Variants in CUX1 observed in about 807,000 individuals in gnomAD.
CUX1 encodes the protein protein CASP.
CUX1 carries 31 observed loss-of-function variants against 158.8 expected under a neutral mutation model. That is an observed-to-expected ratio of 0.20 (90% CI 0.15 to 0.26). The LOEUF (loss-of-function observed/expected upper bound fraction) is 0.26, where lower values mean the gene tolerates loss of function less well. Ranked by LOEUF, CUX1 falls within the 10% of genes least tolerant of loss-of-function variation. The pLI, the probability that CUX1 is intolerant of heterozygous loss-of-function variation, is 1.00. For synonymous variants in CUX1, 879 were observed against 862.1 expected, an observed-to-expected ratio of 1.02 and a Z score of -0.34; for missense variants, 1,589 against 2,014.6, an observed-to-expected ratio of 0.79 and a Z score of 4.04.
At chr7:102,033,295 T>C (rs183411862) in intron 3 of CUX1, among the ~76,000 whole-genome samples, 5 of 150,690 alleles carry the variant, frequency 3.3e-5, no homozygotes, top group African/African-American at 9.8e-5. Flanking sequence ...ATTAAATAAA[T>C]AAACAAACAA....
At chr7:102,220,609 G>T (rs1797709031) in intron 20 of CUX1, among the ~76,000 whole-genome samples, 1 of 152,122 alleles carries the variant, frequency 6.6e-6, no homozygotes, top group African/African-American at 2.4e-5. Flanking sequence ...CGCAGGCTGG[G>T]AAGAGTCTTT....
intron 2 of CUX1, among the ~76,000 whole-genome samples, chr7:101,984,495 G>T (rs1814014928): frequency 9.4e-6 from 1 of 106,526 alleles, no homozygotes; most frequent in African/African-American, 3.4e-5. Context: ...TTGTTCTCCG[G>T]CAAAAAAAAA....
At chr7:102,051,794 T>A (rs1164102414) in intron 3 of CUX1, among the ~76,000 whole-genome samples, 2 of 152,228 alleles carry the variant, frequency 1.3e-5, no homozygotes, top group East Asian at 3.8e-4. Flanking sequence ...GAGGAAGACC[T>A]ACTTTTCACT....
At chr7:102,200,593 G>A (rs943595417) in intron 17 of CUX1, among the ~76,000 whole-genome samples, 13 of 152,012 alleles carry the variant, frequency 8.6e-5, no homozygotes, top group Non-Finnish European at 1.6e-4. Context: ...CTCCCACCTC[G>A]GCCTCCCACG....
In CUX1 at chr7:101,998,173, C is replaced by A. The variant is rs546923937; in HGVS notation, c.142-29925C>A. Among the ~76,000 whole-genome samples, 3 of 152,180 alleles carry A rather than the reference C, an allele frequency of 2.0e-5. No individual in the cohort carries two copies. In the South Asian group the frequency reaches 6.2e-4, roughly 32 times the overall value. ...ACAGTACAGATGGCAGGGCTGTGCCCGGGCTGCAGGCTCCCATTTACCAGA... is the reference window on the plus strand; with the variant it reads ...ACAGTACAGATGGCAGGGCTGTGCCAGGGCTGCAGGCTCCCATTTACCAGA... On this transcript the variant is annotated intron_variant, in intron 2 of 23. Coordinates refer to ENST00000292535, the MANE Select transcript of CUX1 (RefSeq NM_181552.4).
In CUX1 at chr7:102,111,821, G is replaced by C. The variant is rs781859451; in HGVS notation, c.607+47G>C. On this transcript the variant is annotated intron_variant, in intron 7 of 23. Transcript: ENST00000292535. ...TACCATGGATGTGGGGAGGACCCAG[G>C]GGGAGAGTTGGGTCAGCCCCTGACC... 5.8e-6 allele frequency: 9 copies of C among 1,557,796 alleles called. No individual in the cohort carries two copies. In the South Asian group the frequency reaches 6.7e-5, roughly 12 times the overall value.
intron 3 of CUX1, among the ~76,000 whole-genome samples, chr7:102,034,233 A>G (rs2129345975): frequency 6.6e-6 from 1 of 151,940 alleles, no homozygotes; most frequent in African/African-American, 2.4e-5. Context: ...TAAGTCCATC[A>G]AGCTTGGTAT....
chr7:101,926,706 C>T (rs1019852623), intron 2 of CUX1, among the ~76,000 whole-genome samples: 7 of 152,150 alleles, frequency 4.6e-5, no homozygotes, highest in South Asian at 4.1e-4. Flanking sequence ...TAAGTGGTGA[C>T]GTGCAGTGAC....
chr7:102,118,319 C>T (rs1831650219), intron 8 of CUX1, among the ~76,000 whole-genome samples: 1 of 152,204 alleles, frequency 6.6e-6, no homozygotes, highest in Non-Finnish European at 1.5e-5. Context: ...GGGCGGCTCA[C>T]TTGAGCCCAG....
intron 7 of CUX1, 63 bp from the exon 8 acceptor site, chr7:102,115,144 A>G: frequency 2.9e-6 from 4 of 1,386,866 alleles, no homozygotes; most frequent in South Asian, 2.5e-5. Context: ...ATGGGAATAG[A>G]TTACCTGTGT....
rs550801253 is a variant in CUX1 at position 102,265,729 on chromosome 7, C to T, written c.1256-7637C>T. On this transcript the variant is annotated intron_variant, in intron 14 of 22. Transcript: ENST00000292538. ...ATTACAGGCATGAGACAGTTGCACC[C>T]GACCAACTTTTTAAAAGGCTCTCTC... is the stretch of plus-strand genomic sequence containing the variant. Among the ~76,000 whole-genome samples, 504 of 152,214 alleles carry T rather than the reference C, an allele frequency of 3.3e-3. 1 individual carries two copies. Among genetic ancestry groups the T allele is most frequent in the Non-Finnish European group, 6.1e-3 (418 of 68,022 alleles).
Position 102,249,014 on chromosome 7 carries a change from G to A in CUX1, c.4490G>A (p.Arg1497Gln), listed in dbSNP as rs1259993202. 2.9e-6 allele frequency: 4 copies of A among 1,390,532 alleles called. No individual in the cohort carries two copies. The highest frequency in any genetic ancestry group is 1.5e-5 in the South Asian group (1 of 66,506). 86.1% of individuals were successfully genotyped at this position (1,390,532 alleles called of 1,614,324 possible). Residue 1497 changes from arginine to glutamine, a missense_variant, in exon 24 of 24, where the codon CGG (arginine) becomes CAG (glutamine). Physicochemically the swap from Arg to Gln is conservative, Grantham distance 43. Coordinates refer to ENST00000292535, the MANE Select transcript of CUX1 (RefSeq NM_181552.4). ...IIHRLEKAAS[R>Q]EEPIEWEF ...CACCGCCTGGAGAAGGCCGCCAGCC[G>A]GGAGGAACCTATCGAATGGGAGTTC...
chr7:102,036,077 C>T (rs180673470), intron 3 of CUX1, among the ~76,000 whole-genome samples: 151 of 152,170 alleles, frequency 9.9e-4, no homozygotes, highest in Admixed American at 4.1e-3. Context: ...TCACATATTA[C>T]ATTTGTGTAA....
At chr7:102,079,684 G>T (rs569613130) in intron 4 of CUX1, among the ~76,000 whole-genome samples, 1 of 152,234 alleles carries the variant, frequency 6.6e-6, no homozygotes, top group African/African-American at 2.4e-5. Flanking sequence ...GAGACATGCG[G>T]GATCCCTTTA....
At chr7:102,002,705 C>G (rs1816829998) in intron 2 of CUX1, among the ~76,000 whole-genome samples, 1 of 152,114 alleles carries the variant, frequency 6.6e-6, no homozygotes, top group African/African-American at 2.4e-5. Flanking sequence ...GTCAGAGCAT[C>G]GCAGCGGAAT....
intron 11 of CUX1, among the ~76,000 whole-genome samples, chr7:102,184,397 G>T (rs1254684354): frequency 2.0e-5 from 3 of 152,142 alleles, no homozygotes; most frequent in African/African-American, 7.2e-5. Context: ...CTTTTCCATC[G>T]TATTATTACA....
chr7:102,050,498 C>T (rs1054772413), intron 3 of CUX1, among the ~76,000 whole-genome samples: 10 of 152,184 alleles, frequency 6.6e-5, no homozygotes, highest in African/African-American at 2.4e-4. Flanking sequence ...TGGCCTGGGC[C>T]CGTCATCCAA....
intron 6 of CUX1, 120 bp from the exon 7 acceptor site, chr7:102,111,578 C>T (rs1830885682): frequency 4.7e-6 from 4 of 853,676 alleles, no homozygotes; most frequent in East Asian, 2.5e-5. Flanking sequence ...CGGGCGATAC[C>T]CCGTGGTGCG....
chr7:102,257,339 T>C lies in CUX1; in HGVS notation c.*8297T>C. The C allele has an allele frequency of 1.0e-6, 1 of 984,764 alleles. No individual in the cohort carries two copies. Among genetic ancestry groups the C allele is most frequent in the East Asian group, 1.1e-4 (1 of 8,796 alleles). 61.0% of individuals were successfully genotyped at this position (984,764 alleles called of 1,614,324 possible). On this transcript the variant is annotated 3_prime_UTR_variant, in exon 24 of 24. Transcript: ENST00000292535. Reference sequence around the variant, plus strand: ...TTTTCATTTTTCTCTAATTAGTCTATGCATTTCTCTCTCTCAAACCATCTT... The same window carrying C: ...TTTTCATTTTTCTCTAATTAGTCTACGCATTTCTCTCTCTCAAACCATCTT...
Sources: allele counts gnomAD v4.1 joint callset (sites outside exome capture counted in the v4.1 genomes callset), GRCh38; gene constraint gnomAD v4.1.1; transcripts MANE v1.5; gene names NCBI Gene and HGNC (gene_info 2026-07-23, HGNC 2026-07-21).